Variants in IL20RB observed in about 807,000 individuals in gnomAD.
IL20RB encodes the protein interleukin-20 receptor subunit beta.
IL20RB carries 21 observed loss-of-function variants against 33.3 expected under a neutral mutation model. The observed-to-expected ratio is 0.63, with a 90% confidence interval of 0.45 to 0.91. The LOEUF (loss-of-function observed/expected upper bound fraction) is 0.91, where lower values mean the gene tolerates loss of function less well. Ranked by LOEUF, IL20RB falls within the 40% of genes least tolerant of loss-of-function variation. The probability of loss-of-function intolerance (pLI) is 0.00; values close to 1 mark genes in which losing one functional copy is unlikely to be tolerated. For missense variants in IL20RB, 345 were observed against 384.8 expected, an observed-to-expected ratio of 0.90 and a Z score of 0.86; for synonymous variants, 147 against 146.8, an observed-to-expected ratio of 1.00 and a Z score of -0.01.
intron 6 of IL20RB, among the ~76,000 whole-genome samples, chr3:137,002,210 T>C (rs1942259529): frequency 6.6e-6 from 1 of 152,218 alleles, no homozygotes. Flanking sequence ...GTCTTTGCTA[T>C]TGTGAATAGT....
chr3:136,985,726 A>G (rs361253), intron 3 of IL20RB, among the ~76,000 whole-genome samples: 88,837 of 151,914 alleles, frequency 0.58, 26,597 homozygotes, highest in East Asian at 0.9. Flanking sequence ...TTTAGAATCA[A>G]TTATGCCTGG....
At chr3:137,001,063 AG>A (rs957288207) in intron 6 of IL20RB, among the ~76,000 whole-genome samples, 8 of 152,220 alleles carry the variant, frequency 5.3e-5, no homozygotes, top group African/African-American at 1.9e-4. Flanking sequence ...TCAACAGCTA[AG>A]ATCTCCTAGG....
chr3:137,005,856 G>C (rs985133765), intron 6 of IL20RB, among the ~76,000 whole-genome samples: 5 of 152,168 alleles, frequency 3.3e-5, no homozygotes, highest in Non-Finnish European at 7.3e-5. Context: ...TTTCTTCCTA[G>C]CGTCGATGGT....
chr3:136,985,982 A>G, intron 3 of IL20RB, among the ~76,000 whole-genome samples: 1 of 152,100 alleles, frequency 6.6e-6, no homozygotes, highest in East Asian at 1.9e-4. Flanking sequence ...TAGGCTGGGC[A>G]TGGTGGCTCA....
intron 1 of IL20RB, among the ~76,000 whole-genome samples, chr3:136,979,718 T>C (rs1345946455): frequency 6.6e-6 from 1 of 152,136 alleles, no homozygotes; most frequent in Non-Finnish European, 1.5e-5. Context: ...CTTTCCGGGG[T>C]GGACTCACAG....
rs146267620 is a variant in IL20RB at position 136,960,406 on chromosome 3, A to C, written c.88+2205A>C. Among the ~76,000 whole-genome samples, 1,221 of 152,188 alleles carry C rather than the reference A, an allele frequency of 8.0e-3. 7 individuals carry two copies. Among genetic ancestry groups the C allele is most frequent in the South Asian group, 0.014 (67 of 4,820 alleles). ...TGTGATTTGCCCGCCTCGGCCTCCC[A>C]AAGTGCTGGGATTACAGGCATGAGC... On this transcript the variant is annotated intron_variant, in intron 1 of 6. Coordinates refer to ENST00000329582, the MANE Select transcript of IL20RB (RefSeq NM_144717.4).
At chr3:137,001,529 A>G (rs934431196) in intron 6 of IL20RB, among the ~76,000 whole-genome samples, 1 of 152,190 alleles carries the variant, frequency 6.6e-6, no homozygotes, top group Admixed American at 6.5e-5. Context: ...ACCCCAAACT[A>G]TTAAAAAGTG....
chr3:137,004,406 T>C (rs1291602156), intron 6 of IL20RB, among the ~76,000 whole-genome samples: 1 of 152,206 alleles, frequency 6.6e-6, no homozygotes, highest in African/African-American at 2.4e-5. Flanking sequence ...GGACTTTTTT[T>C]GGTTGTTAGG....
At chr3:136,999,557 ATT>A (rs34743717) in intron 6 of IL20RB, among the ~76,000 whole-genome samples, 207 of 142,582 alleles carry the variant, frequency 1.5e-3, no homozygotes, top group African/African-American at 4.7e-3. Flanking sequence ...TTCTTCAGGT[ATT>A]TTTTTTTTTT....
intron 4 of IL20RB, among the ~76,000 whole-genome samples, chr3:136,990,532 C>T (rs890673773): frequency 2.0e-5 from 3 of 152,168 alleles, no homozygotes; most frequent in African/African-American, 7.2e-5. Context: ...CCTGACTTCT[C>T]CTCACTGTGT....
rs1232429124 is a variant in IL20RB, at chr3:136,958,129, A to G, written c.16A>G (p.Met6Val). The G allele has an allele frequency of 6.2e-7, 1 of 1,607,322 alleles. No individual in the cohort carries two copies. Among genetic ancestry groups the G allele is most frequent in the Non-Finnish European group, 8.5e-7 (1 of 1,174,058 alleles). Residue 6 changes from methionine to valine, a missense_variant, in exon 1 of 7, where the codon ATG (methionine) becomes GTG (valine). Transcript: ENST00000329582. ...AGTCTACCAAATGCAGACTTTCACA[A>G]TGGTTCTAGAAGAAATCTGGACAAG... MQTFT[M>V]VLEEIWTSLF...
chr3:137,001,637 G>A (rs1942244391), intron 6 of IL20RB, among the ~76,000 whole-genome samples: 1 of 152,192 alleles, frequency 6.6e-6, no homozygotes, highest in Non-Finnish European at 1.5e-5. Context: ...AGGGTCTACT[G>A]AGTTTGTGTT....
At chr3:136,980,859 G>T (rs910626346) in intron 2 of IL20RB, among the ~76,000 whole-genome samples, 1 of 152,216 alleles carries the variant, frequency 6.6e-6, no homozygotes, top group Non-Finnish European at 1.5e-5. Context: ...ACTGTCCAAT[G>T]GGTTTGACTC....
At chr3:136,984,764 A>C (rs1172462457) in intron 3 of IL20RB, among the ~76,000 whole-genome samples, 2 of 151,978 alleles carry the variant, frequency 1.3e-5, no homozygotes, top group Non-Finnish European at 2.9e-5. Flanking sequence ...CAGGACTGGA[A>C]TGGAATGGAA....
At position 136,980,461 on chromosome 3, in the gene IL20RB, C is replaced by G; in HGVS notation, c.89-5C>G. ...TGTCAGCCAGGCTATCTGCCTTGAT[C>G]CTAGATGAAGTGGCCATTCTGCCTG... On this transcript the variant is annotated splice_polypyrimidine_tract_variant and splice_region_variant and intron_variant, in intron 1 of 6. Coordinates refer to ENST00000329582, the MANE Select transcript of IL20RB (RefSeq NM_144717.4). 2 of 1,614,148 alleles carry G rather than the reference C, an allele frequency of 1.2e-6. No individual in the cohort carries two copies. The highest frequency in any genetic ancestry group is 1.7e-6 in the Non-Finnish European group (2 of 1,180,028).
intron 1 of IL20RB, among the ~76,000 whole-genome samples, chr3:136,971,961 T>G (rs1252955170): frequency 1.3e-5 from 2 of 152,206 alleles, no homozygotes; most frequent in Non-Finnish European, 2.9e-5. Flanking sequence ...CAACAGTGTG[T>G]AAGAGTTCCC....
At chr3:136,996,435 GC>G (rs1560075941) in intron 6 of IL20RB, among the ~76,000 whole-genome samples, 1 of 152,188 alleles carries the variant, frequency 6.6e-6, no homozygotes, top group Non-Finnish European at 1.5e-5. Flanking sequence ...GCCAGTGTCA[GC>G]TTCTGAAAAG....
intron 1 of IL20RB, among the ~76,000 whole-genome samples, chr3:136,961,925 C>T (rs1272383347): frequency 6.6e-6 from 1 of 152,030 alleles, no homozygotes; most frequent in Non-Finnish European, 1.5e-5. Context: ...AGGGCACAGG[C>T]AGCTTGAAAG....
At chr3:137,003,697 T>G (rs1029960457) in intron 6 of IL20RB, among the ~76,000 whole-genome samples, 2 of 152,214 alleles carry the variant, frequency 1.3e-5, no homozygotes, top group African/African-American at 2.4e-5. Context: ...AAATATACAA[T>G]CATGTCATCT....
Sources: gnomAD v4.1 joint callset for allele counts (sites outside exome capture counted in the v4.1 genomes callset) on GRCh38, gnomAD v4.1.1 for gene constraint, MANE v1.5 for transcripts, NCBI Gene and HGNC (gene_info 2026-07-23, HGNC 2026-07-21) for gene names.